Variants in ANKIB1 observed in about 807,000 individuals in gnomAD.
ANKIB1 encodes ankyrin repeat and IBR domain containing 1, also known as ankyrin repeat and IBR domain-containing protein 1.
ANKIB1 carries 43 observed loss-of-function variants against 122.1 expected under a neutral mutation model. The observed-to-expected ratio is 0.35, with a 90% CI of 0.28 to 0.45. ANKIB1 has a LOEUF of 0.45. Among genes scored for constraint, ANKIB1 ranks in the 20% least tolerant of loss-of-function variants. ANKIB1 has a pLI of 1.00. For synonymous variants in ANKIB1, 390 were observed against 442.0 expected (o/e 0.88, Z 1.48); for missense variants, 992 against 1,329.5 (o/e 0.75, Z 3.95).
chr7:92,302,927 T>C (rs1182781334), intron 2 of ANKIB1, among the ~76,000 whole-genome samples: 2 of 152,190 alleles, frequency 1.3e-5, no homozygotes, highest in Non-Finnish European at 2.9e-5. Flanking sequence ...TAATGAATGC[T>C]CAGTCAATGT....
At chr7:92,293,074 C>A (rs1039763377) in intron 1 of ANKIB1, among the ~76,000 whole-genome samples, 11 of 152,206 alleles carry the variant, frequency 7.2e-5, no homozygotes, top group Admixed American at 3.3e-4. Flanking sequence ...TTAATGCCTA[C>A]CTCCAGAATA....
chr7:92,291,691 C>T (rs1352121759), intron 1 of ANKIB1, among the ~76,000 whole-genome samples: 1 of 151,610 alleles, frequency 6.6e-6, no homozygotes, highest in Non-Finnish European at 1.5e-5. Context: ...ATTCTCCTGC[C>T]GCAGCCGCCT....
Position 92,246,061 on chromosome 7 carries a change from A to C in ANKIB1, c.-549A>C, listed in dbSNP as rs1285273050. Reference sequence around the variant, plus strand: ...GCTGGTGGCAGGCGACTAGGAGACTAGGGTGGTGGCGGTGGGGGTGCCAGC... The same window carrying C: ...GCTGGTGGCAGGCGACTAGGAGACTCGGGTGGTGGCGGTGGGGGTGCCAGC... On this transcript the variant is annotated 5_prime_UTR_variant, in exon 1 of 20. Transcript: ENST00000265742. The C allele has an allele frequency of 3.6e-6, 1 of 278,780 alleles. No homozygotes were observed. Among genetic ancestry groups the C allele is most frequent in the African/African-American group, 2.4e-5 (1 of 42,060 alleles). The allele number at this position is 278,780 out of a possible 1,614,324, so 17.3% of individuals were successfully genotyped here.
intron 17 of ANKIB1, chr7:92,395,748 A>C (rs1211943661): frequency 1.3e-5 from 2 of 152,172 alleles, no homozygotes; most frequent in Non-Finnish European, 2.9e-5. Context: ...CATGTTGGCC[A>C]GGCTGGTCTC....
intron 11 of ANKIB1, among the ~76,000 whole-genome samples, chr7:92,385,172 A>G (rs2115689580): frequency 6.6e-6 from 1 of 152,352 alleles, no homozygotes. Flanking sequence ...AATCAAAACC[A>G]CAATGAGATA....
chr7:92,309,939 A>AT lies in ANKIB1; in HGVS notation c.486+2283_486+2284insT, dbSNP rs975996548. ...GACTCCATCTAAAAAAAAAAAAAAA[A>AT]AAAATATATATATATATATATATAA... On this transcript the variant is annotated intron_variant, in intron 3 of 19. Transcript: ENST00000265742. Among the ~76,000 whole-genome samples, 746 of 131,990 alleles carry AT rather than the reference A, an allele frequency of 5.7e-3. 7 individuals are homozygous for AT. The highest frequency in any genetic ancestry group is 9.0e-3 in the Non-Finnish European group (556 of 61,750). The allele number at this position is 131,990 out of a possible 152,430, so 86.6% of individuals were successfully genotyped here.
chr7:92,306,911 A>G (rs974587431), intron 2 of ANKIB1, among the ~76,000 whole-genome samples: 6 of 152,166 alleles, frequency 3.9e-5, no homozygotes, highest in Non-Finnish European at 8.8e-5. Flanking sequence ...AGTTGTTGTC[A>G]CTATTAAATA....
Position 92,391,186 on chromosome 7 carries a change from T to C in ANKIB1, c.2073T>C (p.Thr691=). The C allele has an allele frequency of 2.5e-6, 4 of 1,612,582 alleles. No homozygotes were observed. The highest frequency in any genetic ancestry group is 3.4e-6 in the Non-Finnish European group (4 of 1,179,166). The change falls in exon 16 of 20, where the codon ACT becomes ACC. Residue 691 remains threonine (T), a synonymous_variant. Coordinates refer to ENST00000265742, the MANE Select transcript of ANKIB1 (RefSeq NM_019004.2). The part of the protein sequence containing the change: ...ELMQTDLEMV[T]EDLAQKVNRP... Reference sequence around the variant, plus strand: ...TATAGACAGACCTAGAAATGGTCACTGAAGACCTTGCCCAGAAAGTCAATA... The same window carrying C: ...TATAGACAGACCTAGAAATGGTCACCGAAGACCTTGCCCAGAAAGTCAATA...
intron 5 of ANKIB1, 28 bp downstream of exon 5, chr7:92,327,928 A>T (rs773153389): frequency 2.1e-6 from 3 of 1,436,656 alleles, no homozygotes; most frequent in Non-Finnish European, 2.9e-6. Flanking sequence ...TTATGCTTCT[A>T]AGAACATGAG....
At chr7:92,260,520 G>A (rs1801541752) in intron 1 of ANKIB1, among the ~76,000 whole-genome samples, 1 of 152,008 alleles carries the variant, frequency 6.6e-6, no homozygotes, top group Non-Finnish European at 1.5e-5. Flanking sequence ...CTCTACAAAA[G>A]GTAAACTAAA....
At chr7:92,320,036 G>A (rs887958382) in intron 4 of ANKIB1, 11 of 152,334 alleles carry the variant, frequency 7.2e-5, no homozygotes, top group Admixed American at 3.3e-4. Flanking sequence ...ATAAGGTGCT[G>A]ATGTGAGATA....
chr7:92,308,432 G>A (rs1243153033), intron 3 of ANKIB1, among the ~76,000 whole-genome samples: 1 of 151,960 alleles, frequency 6.6e-6, no homozygotes. Context: ...TGGCAAGTGG[G>A]ACCTATAGTT....
At position 92,307,355 on chromosome 7, in the gene ANKIB1, T is replaced by C. The variant is rs762635490; in HGVS notation, c.189-4T>C. ...CTTTATTTTTCCCTTTCTTTCCATT[T>C]TAGGACTTTTCTTGGTAGAGATGGA... On this transcript the variant is annotated splice_region_variant and splice_polypyrimidine_tract_variant and intron_variant, in intron 2 of 19. Coordinates refer to ENST00000265742, the MANE Select transcript of ANKIB1 (RefSeq NM_019004.2). The C allele has an allele frequency of 6.2e-7, 1 of 1,605,524 alleles. No homozygotes were observed. Among genetic ancestry groups the C allele is most frequent in the South Asian group, 1.1e-5 (1 of 89,936 alleles).
At chr7:92,246,608 C>T (rs1801051351) in intron 1 of ANKIB1, 89 bp downstream of exon 1, 1 of 470,714 alleles carries the variant, frequency 2.1e-6, no homozygotes, top group Admixed American at 2.3e-5. Flanking sequence ...TTCACACCCT[C>T]CCGGATCTAC....
At chr7:92,301,450 A>G (rs556157776) in intron 2 of ANKIB1, among the ~76,000 whole-genome samples, 2 of 152,038 alleles carry the variant, frequency 1.3e-5, no homozygotes, top group Non-Finnish European at 2.9e-5. Context: ...GTGATGTTGA[A>G]CATTTTTTAT....
chr7:92,316,624 A>C (rs554066343), intron 3 of ANKIB1, among the ~76,000 whole-genome samples: 2 of 152,330 alleles, frequency 1.3e-5, no homozygotes, highest in Admixed American at 1.3e-4. Context: ...AGTCAAACTC[A>C]TTAGGGAGCA....
intron 5 of ANKIB1, among the ~76,000 whole-genome samples, chr7:92,333,667 G>T (rs577246358): frequency 4.6e-5 from 7 of 152,218 alleles, no homozygotes; most frequent in Non-Finnish European, 1.0e-4. Flanking sequence ...ATTATGTCTG[G>T]TTTTTCCTAT....
At chr7:92,291,669 C>T (rs1306592201) in intron 1 of ANKIB1, among the ~76,000 whole-genome samples, 1 of 151,442 alleles carries the variant, frequency 6.6e-6, no homozygotes, top group Non-Finnish European at 1.5e-5. Flanking sequence ...CTCCACCTCC[C>T]AGGTTCAACC....
At chr7:92,321,695 T>G (rs1802916126) in intron 4 of ANKIB1, among the ~76,000 whole-genome samples, 1 of 152,206 alleles carries the variant, frequency 6.6e-6, no homozygotes, top group Non-Finnish European at 1.5e-5. Flanking sequence ...AGAAAAATAA[T>G]CATACAATTG....
Sources: gnomAD v4.1 joint callset for allele counts (sites outside exome capture counted in the v4.1 genomes callset) on GRCh38, gnomAD v4.1.1 for gene constraint, MANE v1.5 for transcripts, NCBI Gene and HGNC (gene_info 2026-07-23, HGNC 2026-07-21) for gene names.